Variants in MS4A14 observed in about 807,000 individuals in gnomAD.
The protein encoded by MS4A14 is membrane-spanning 4-domains subfamily A member 14.
Under a neutral mutation model 16.7 loss-of-function variants are expected in MS4A14, and 18 were observed. The ratio of observed to expected loss-of-function variants is 1.08; its 90% CI spans 0.75 to 1.60. The LOEUF (loss-of-function observed/expected upper bound fraction) is 1.60. MS4A14 is among the 40% of genes most tolerant of loss of function. The pLI, the probability that MS4A14 is intolerant of heterozygous loss-of-function variation, is 0.00. For synonymous variants in MS4A14, 305 were observed against 289.4 expected, an observed-to-expected ratio of 1.05 and a Z score of -0.55; for missense variants, 812 against 775.3, an observed-to-expected ratio of 1.05 and a Z score of -0.56.
In MS4A14 at chr11:60,400,422, C is replaced by A; in HGVS notation, c.286C>A (p.Leu96Ile). ...GALIFILTGY[L>I]TVTDKKSKLL... ...TTAACAGTTTATTCTTACAGGATAC[C>A]TCACAGTAACCGATAAGAAATCAAA... The change falls in exon 3 of 5, where the codon CTC becomes ATC. Residue 96 changes from leucine (L) to isoleucine (I), a missense_variant. Coordinates refer to ENST00000300187, the MANE Select transcript of MS4A14 (RefSeq NM_032597.5). 1 of 1,605,468 alleles carries A rather than the reference C, an allele frequency of 6.2e-7. No individual in the cohort carries two copies.
chr11:60,416,636 A>G lies in MS4A14; in HGVS notation c.1668A>G (p.Gln556=), dbSNP rs749530060. 5 of 1,613,882 alleles carry G rather than the reference A, an allele frequency of 3.1e-6. No homozygotes were observed. In the East Asian group the frequency reaches 1.1e-4, roughly 36 times the overall value. The change falls in exon 5 of 5, where the codon CAA becomes CAG. Residue 556 remains glutamine, a synonymous_variant. Coordinates refer to ENST00000300187, the MANE Select transcript of MS4A14 (RefSeq NM_032597.5). Reference sequence around the variant, plus strand: ...TAGATAAGCAAGCTCAACTTAATCAAACTAAAGAGCAACTCCCAGATCAGC... The same window carrying G: ...TAGATAAGCAAGCTCAACTTAATCAGACTAAAGAGCAACTCCCAGATCAGC... ...HSVDKQAQLN[Q]TKEQLPDQQA...
intron 4 of MS4A14, among the ~76,000 whole-genome samples, chr11:60,407,489 A>G (rs76229450): frequency 0.022 from 3,343 of 152,294 alleles, 137 homozygotes; most frequent in African/African-American, 0.077. Flanking sequence ...GTTTAACTTT[A>G]TAAGAAAATA....
In MS4A14 at chr11:60,403,023, T is replaced by A; in HGVS notation, c.430T>A (p.Phe144Ile). 6.2e-7 allele frequency: 1 copy of A among 1,613,878 alleles called. No homozygotes were observed. The highest frequency in any genetic ancestry group is 8.5e-7 in the Non-Finnish European group (1 of 1,179,788). ...HQDKYCQMPS[F>I]EEICVFSRTL... The stretch of plus-strand genomic sequence containing the variant: ...AGACAAGTACTGCCAGATGCCATCC[T>A]TTGAAGAAATATGTGTTTTCAGTAG... The change falls in exon 4 of 5, where the codon TTT becomes ATT. Residue 144 changes from phenylalanine to isoleucine, a missense_variant. Coordinates refer to ENST00000300187, the MANE Select transcript of MS4A14 (RefSeq NM_032597.5).
rs775220439 is a variant in MS4A14 at position 60,396,729 on chromosome 11, CA to C, written c.138+14del. ...AAGAGTCTTGGGGGTAAGTCCTCTC[CA>C]GTCAATAGGTCTTCCAGAAGGGGAG... is the stretch of plus-strand genomic sequence containing the variant. On this transcript the variant is annotated intron_variant, in intron 1 of 4. Coordinates refer to ENST00000300187, the MANE Select transcript of MS4A14 (RefSeq NM_032597.5). 3.1e-6 allele frequency: 5 copies of C among 1,611,690 alleles called. No individual in the cohort carries two copies. The South Asian group carries it at 5.5e-5, about 18-fold the overall frequency.
chr11:60,398,087 CA>C, intron 2 of MS4A14, 107 bp downstream of exon 2: 37 of 1,177,636 alleles, frequency 3.1e-5, no homozygotes, highest in East Asian at 1.1e-4. Flanking sequence ...TCCAGGAGAC[CA>C]AAAAAGGCAG....
intron 3 of MS4A14, among the ~76,000 whole-genome samples, chr11:60,402,069 C>G (rs2085721494): frequency 6.6e-6 from 1 of 151,972 alleles, no homozygotes; most frequent in South Asian, 2.1e-4. Flanking sequence ...TTTGTTTTTC[C>G]TTTAAAAGAG....
intron 1 of MS4A14, among the ~76,000 whole-genome samples, 159 bp downstream of exon 1, chr11:60,396,875 T>C (rs369224251): frequency 6.6e-6 from 1 of 152,182 alleles, no homozygotes; most frequent in African/African-American, 2.4e-5. Context: ...GATCTTTGAA[T>C]CCCAGCAGAG....
At position 60,404,921 on chromosome 11, in the gene MS4A14, T is replaced by C. The variant is rs186447327; in HGVS notation, c.468+1860T>C. Among the ~76,000 whole-genome samples the C allele has an allele frequency of 1.2e-3, 186 of 152,304 alleles. 1 individual carries two copies. Among genetic ancestry groups the C allele is most frequent in the African/African-American group, 4.2e-3 (174 of 41,554 alleles). ...AAAATCCAAGACCAGGTATATCTTG[T>C]TCAATGGAGAAAGTCAGTAAATTGC... On this transcript the variant is annotated intron_variant, in intron 4 of 4. Transcript: ENST00000300187.
intron 4 of MS4A14, chr11:60,406,106 A>G (rs1363580007): frequency 3.1e-6 from 2 of 647,770 alleles, no homozygotes. Context: ...ATGCTGAAAT[A>G]AAACATCTAA....
In MS4A14 at chr11:60,416,606, C is replaced by T; in HGVS notation, c.1638C>T (p.His546=). ...AAGACTGGCTATCCCCAAAGAGGCACTCCGTAGATAAGCAAGCTCAACTTA... is the reference window on the plus strand; with the variant it reads ...AAGACTGGCTATCCCCAAAGAGGCATTCCGTAGATAAGCAAGCTCAACTTA... ...QIKDWLSPKR[H]SVDKQAQLNQ... Residue 546 remains histidine, a synonymous_variant, in exon 5 of 5, where the codon CAC becomes CAT. Transcript: ENST00000300187. 1 of 1,613,918 alleles carries T rather than the reference C, an allele frequency of 6.2e-7. No homozygotes were observed. The highest frequency in any genetic ancestry group is 8.5e-7 in the Non-Finnish European group (1 of 1,179,936).
chr11:60,405,162 C>A (rs1385759256), intron 4 of MS4A14, among the ~76,000 whole-genome samples: 4 of 152,054 alleles, frequency 2.6e-5, no homozygotes, highest in African/African-American at 9.7e-5. Context: ...TCACCACAAC[C>A]TCCGCCTCCT....
Position 60,416,704 on chromosome 11 carries a change from G to A in MS4A14, c.1736G>A (p.Gly579Glu), listed in dbSNP as rs764002780. The A allele has an allele frequency of 6.2e-7, 1 of 1,613,602 alleles. No individual in the cohort carries two copies. Among genetic ancestry groups the A allele is most frequent in the East Asian group, 2.2e-5 (1 of 44,826 alleles). Residue 579 changes from glycine (G) to glutamate (E), a missense_variant, in exon 5 of 5, where the codon GGA becomes GAA. Transcript: ENST00000300187. The stretch of plus-strand genomic sequence containing the variant: ...GCCAAAGGGGAACAATACCCAGAAG[G>A]ACAATCTAAAGATGGACAAGTTAAA... Reference protein sequence around the residue: ...QQAKGEQYPEGQSKDGQVKDQ... With the variant: ...QQAKGEQYPEEQSKDGQVKDQ...
intron 2 of MS4A14, 102 bp from the exon 3 acceptor site, chr11:60,400,302 T>C: frequency 2.8e-6 from 2 of 719,118 alleles, no homozygotes; most frequent in Admixed American, 2.4e-5. Context: ...CGGGATGGTC[T>C]TGGAGATTCA....
intron 4 of MS4A14, among the ~76,000 whole-genome samples, chr11:60,412,427 T>C (rs1206421824): frequency 2.0e-5 from 3 of 151,928 alleles, no homozygotes; most frequent in Admixed American, 6.6e-5. Flanking sequence ...TCTGTAAAGA[T>C]TTTCTATTTC....
intron 3 of MS4A14, among the ~76,000 whole-genome samples, chr11:60,401,134 A>AT (rs2085707500): frequency 6.6e-6 from 1 of 152,200 alleles, no homozygotes; most frequent in South Asian, 2.1e-4. Context: ...TCTAAGGGTT[A>AT]TTTTGAGAGT....
chr11:60,398,570 T>C (rs543544986), intron 2 of MS4A14, among the ~76,000 whole-genome samples: 1 of 152,184 alleles, frequency 6.6e-6, no homozygotes, highest in African/African-American at 2.4e-5. Context: ...TACTATAACA[T>C]ACACTCCTGA....
chr11:60,412,703 T>C (rs1007055417), intron 4 of MS4A14, among the ~76,000 whole-genome samples: 7 of 152,002 alleles, frequency 4.6e-5, no homozygotes, highest in African/African-American at 1.2e-4. Context: ...ATTTTCTCTA[T>C]TGTTTTTCAA....
At chr11:60,403,085 A>C (rs2085739000) in intron 4 of MS4A14, 24 bp downstream of exon 4, 1 of 1,608,274 alleles carries the variant, frequency 6.2e-7, no homozygotes, top group South Asian at 1.1e-5. Context: ...TTTTGCATGA[A>C]GAATCCCTAA....
intron 4 of MS4A14, chr11:60,405,981 A>C: frequency 6.6e-7 from 1 of 1,516,940 alleles, no homozygotes; most frequent in African/African-American, 1.4e-5. Context: ...GGACACAGTC[A>C]GATGAGGTGT....
Sources: allele counts gnomAD v4.1 joint callset (sites outside exome capture counted in the v4.1 genomes callset), GRCh38; gene constraint gnomAD v4.1.1; transcripts MANE v1.5; gene names NCBI Gene and HGNC (gene_info 2026-07-23, HGNC 2026-07-21).